Variants in PLEKHD1 observed in about 807,000 individuals in gnomAD.
PLEKHD1 encodes pleckstrin homology domain-containing family D member 1.
PLEKHD1 carries 51 observed loss-of-function variants against 69.2 expected under a neutral mutation model. The ratio of observed to expected loss-of-function variants is 0.74; its 90% CI spans 0.59 to 0.93. The LOEUF (loss-of-function observed/expected upper bound fraction) is 0.93, where lower values mean the gene tolerates loss of function less well. Among genes scored for constraint, PLEKHD1 ranks in the 40% least tolerant of loss-of-function variants. PLEKHD1 has a pLI of 0.00. For synonymous variants in PLEKHD1, 236 were observed against 244.7 expected (o/e 0.96, Z 0.33); for missense variants, 584 against 641.0 (o/e 0.91, Z 0.96).
At chr14:69,493,525 T>G (rs955344976) in intron 1 of PLEKHD1, among the ~76,000 whole-genome samples, 4 of 152,250 alleles carry the variant, frequency 2.6e-5, no homozygotes, top group Non-Finnish European at 5.9e-5. Flanking sequence ...TCCGCCATTC[T>G]GAGTTGTGTG....
Position 69,527,911 on chromosome 14 carries a change from T to C in PLEKHD1, c.1330T>C (p.Ser444Pro). 6.4e-7 allele frequency: 1 copy of C among 1,551,552 alleles called. No individual in the cohort carries two copies. Among genetic ancestry groups the C allele is most frequent in the South Asian group, 1.2e-5 (1 of 84,058 alleles). The change falls in exon 12 of 13, where the codon TCC (serine) becomes CCC (proline). Residue 444 changes from serine (S) to proline (P), a missense_variant. By Grantham distance (74) the Ser-to-Pro change is moderately conservative. Transcript: ENST00000322564. ...GAGCTGCCGCTTCCACCGACGCCGG[T>C]CCAGCACCTCCTGGAATGACAGTGA... ...IKSCRFHRRR[S>P]STSWNDMKPS... is the part of the protein sequence containing the mutation.
At chr14:69,478,722 G>A in the PLEKHD1 span, among the ~76,000 whole-genome samples, 1 of 152,174 alleles carries the variant, frequency 6.6e-6, no homozygotes, top group African/African-American at 2.4e-5. Context: ...GACCACCTCA[G>A]CCTGGACCTT....
In PLEKHD1 at chr14:69,527,297, A is replaced by G. The variant is rs1395130698; in HGVS notation, c.1166A>G (p.Glu389Gly). The G allele has an allele frequency of 1.3e-6, 2 of 1,551,658 alleles. No individual in the cohort carries two copies. The highest frequency in any genetic ancestry group is 8.7e-7 in the Non-Finnish European group (1 of 1,147,006). ...LNSKVRNKEK[E>G]ERMRADVSHL... The stretch of plus-strand genomic sequence containing the variant: ...TCCAAGGTGCGGAATAAGGAGAAGG[A>G]GGAGAGGATGCGGGCTGATGTGAGC... Residue 389 changes from glutamate (E) to glycine (G), a missense_variant, in exon 11 of 13, where the codon GAG becomes GGG. Coordinates refer to ENST00000322564, the MANE Select transcript of PLEKHD1 (RefSeq NM_001161498.2).
chr14:69,503,933 C>A (rs1883095069), intron 6 of PLEKHD1, among the ~76,000 whole-genome samples: 1 of 150,840 alleles, frequency 6.6e-6, no homozygotes, highest in Non-Finnish European at 1.5e-5. Context: ...GGAGTCATTA[C>A]CACATATTAA....
chr14:69,527,154 G>T, intron 10 of PLEKHD1, 34 bp from the exon 11 acceptor site: 1 of 1,504,442 alleles, frequency 6.6e-7, no homozygotes, highest in South Asian at 1.3e-5. Flanking sequence ...TCCAGGACCT[G>T]ACTTCCTTCT....
intron 6 of PLEKHD1, among the ~76,000 whole-genome samples, chr14:69,513,435 A>G (rs1273979483): frequency 6.6e-6 from 1 of 152,144 alleles, no homozygotes; most frequent in African/African-American, 2.4e-5. Context: ...CAGAAGCAGC[A>G]AGATTGGTTA....
chr14:69,502,002 C>A, intron 5 of PLEKHD1, 177 bp downstream of exon 5: 1 of 542,580 alleles, frequency 1.8e-6, no homozygotes, highest in Non-Finnish European at 3.3e-6. Flanking sequence ...TTTTGGCCAA[C>A]ATGACTGAAG....
chr14:69,515,833 C>G (rs969358373), intron 6 of PLEKHD1, among the ~76,000 whole-genome samples: 1 of 152,230 alleles, frequency 6.6e-6, no homozygotes, highest in African/African-American at 2.4e-5. Flanking sequence ...CTACCTTCCA[C>G]CAAGCCCCAC....
At chr14:69,491,638 A>G (rs149565597) in intron 1 of PLEKHD1, among the ~76,000 whole-genome samples, 86 of 152,266 alleles carry the variant, frequency 5.6e-4, no homozygotes, top group African/African-American at 1.9e-3. Context: ...GACCTGCCCA[A>G]CATAGAAGAT....
At chr14:69,499,894 C>T (rs1211991057) in intron 1 of PLEKHD1, among the ~76,000 whole-genome samples, 1 of 152,134 alleles carries the variant, frequency 6.6e-6, no homozygotes, top group African/African-American at 2.4e-5. Flanking sequence ...GGGGCTCCCG[C>T]TCCAGCTGGC....
At chr14:69,501,912 A>T in intron 5 of PLEKHD1, 87 bp downstream of exon 5, 1 of 1,221,230 alleles carries the variant, frequency 8.2e-7, no homozygotes, top group Non-Finnish European at 1.1e-6. Context: ...TGCAGCAGGG[A>T]TGAGGGTCTC....
upstream of PLEKHD1, among the ~76,000 whole-genome samples, chr14:69,481,333 C>A (rs193016575): frequency 4.3e-4 from 65 of 152,032 alleles, no homozygotes; most frequent in South Asian, 3.7e-3. Context: ...ACAACAACAA[C>A]AAAAAAATAT....
At chr14:69,510,329 G>A (rs189397810) in intron 6 of PLEKHD1, among the ~76,000 whole-genome samples, 22 of 152,300 alleles carry the variant, frequency 1.4e-4, no homozygotes, top group African/African-American at 4.3e-4. Flanking sequence ...TATGAACATG[G>A]ACTATCCCTT....
At chr14:69,497,985 G>A (rs938658477) in intron 1 of PLEKHD1, among the ~76,000 whole-genome samples, 9 of 151,968 alleles carry the variant, frequency 5.9e-5, no homozygotes, top group South Asian at 2.1e-4. Flanking sequence ...CCAAGAGTTC[G>A]AGGCCAGCCT....
At chr14:69,514,981 T>C (rs1832324682) in intron 6 of PLEKHD1, among the ~76,000 whole-genome samples, 1 of 152,178 alleles carries the variant, frequency 6.6e-6, no homozygotes, top group South Asian at 2.1e-4. Context: ...TTGGATCACC[T>C]GAGGTCAGGA....
At chr14:69,499,888 C>T (rs1275729) in intron 1 of PLEKHD1, among the ~76,000 whole-genome samples, 52,451 of 151,888 alleles carry the variant, frequency 0.35, 9,356 homozygotes, top group South Asian at 0.41. Context: ...AGTAGTGGGG[C>T]TCCCGCTCCA....
chr14:69,503,074 C>T lies in PLEKHD1; in HGVS notation c.555+195C>T, dbSNP rs1883066941. On this transcript the variant is annotated intron_variant, in intron 6 of 12. Coordinates refer to ENST00000322564, the MANE Select transcript of PLEKHD1 (RefSeq NM_001161498.2). ...CTTGTTGGTAAGAAGTGTCTTTCTC[C>T]TTACCAACCCCTGGGAGTAAAGTGA... 3 of 611,272 alleles carry T rather than the reference C, an allele frequency of 4.9e-6. No individual in the cohort carries two copies. In the African/African-American group the frequency reaches 5.5e-5, roughly 11 times the overall value. 37.9% of individuals were successfully genotyped at this position (611,272 alleles called of 1,614,324 possible). A position where few individuals can be genotyped will look rare whatever the true frequency, so the allele number is the denominator to read the frequency against.
intron 6 of PLEKHD1, among the ~76,000 whole-genome samples, chr14:69,508,672 T>G (rs1883206142): frequency 6.6e-6 from 1 of 151,692 alleles, no homozygotes; most frequent in Admixed American, 6.6e-5. Context: ...GACGAAAGAG[T>G]ATATTTGGAA....
At chr14:69,509,715 A>G (rs1594984585) in intron 6 of PLEKHD1, among the ~76,000 whole-genome samples, 1 of 152,064 alleles carries the variant, frequency 6.6e-6, no homozygotes, top group Admixed American at 6.5e-5. Context: ...AGGCGGGTGG[A>G]TCACCTGAGG....
Sources: gnomAD v4.1 joint callset for allele counts (sites outside exome capture counted in the v4.1 genomes callset) on GRCh38, gnomAD v4.1.1 for gene constraint, MANE v1.5 for transcripts, NCBI Gene and HGNC (gene_info 2026-07-23, HGNC 2026-07-21) for gene names.